MYCT1: variants seen among roughly 807,000 people sequenced by gnomAD.
MYCT1 encodes the protein myc target protein 1.
A neutral mutation model predicts 15.0 loss-of-function variants in MYCT1; 12 were observed. The ratio of observed to expected loss-of-function variants is 0.80; its 90% CI spans 0.51 to 1.29. The LOEUF (loss-of-function observed/expected upper bound fraction) is 1.29. Among genes scored for constraint, MYCT1 ranks in the 50% most tolerant of loss-of-function variants. MYCT1 has a pLI of 0.00. For synonymous variants in MYCT1, 104 were observed against 102.7 expected, an observed-to-expected ratio of 1.01 and a Z score of -0.07; for missense variants, 287 against 279.1, an observed-to-expected ratio of 1.03 and a Z score of -0.20.
chr6:152,700,449 T>G (rs2099721117), intron 1 of MYCT1, among the ~76,000 whole-genome samples: 1 of 152,166 alleles, frequency 6.6e-6, no homozygotes, highest in African/African-American at 2.4e-5. Flanking sequence ...TTTACTTTAA[T>G]GAGCGCTAAA....
chr6:152,714,614 T>C (rs2099723314), intron 1 of MYCT1, among the ~76,000 whole-genome samples: 1 of 151,566 alleles, frequency 6.6e-6, no homozygotes, highest in African/African-American at 2.4e-5. Context: ...CAATCTCTGC[T>C]GAAAATTTTT....
the MYCT1 span, among the ~76,000 whole-genome samples, chr6:152,736,162 G>A: frequency 6.6e-6 from 1 of 152,000 alleles, no homozygotes; most frequent in African/African-American, 2.4e-5. Context: ...AATAGGAACA[G>A]ATATATATTC....
At chr6:152,730,089 T>C in the MYCT1 span, among the ~76,000 whole-genome samples, 2 of 152,256 alleles carry the variant, frequency 1.3e-5, no homozygotes, top group African/African-American at 4.8e-5. Flanking sequence ...TTAAAACTTG[T>C]ATTTTTCTTT....
chr6:152,726,908 ACTAT>A (rs1293826426), downstream of MYCT1, among the ~76,000 whole-genome samples: 1 of 152,096 alleles, frequency 6.6e-6, no homozygotes, highest in Non-Finnish European at 1.5e-5. Context: ...CTGGGTAATA[ACTAT>A]CTAAGTACTT....
At chr6:152,716,790 C>G (rs1274419925) in intron 1 of MYCT1, among the ~76,000 whole-genome samples, 1 of 152,050 alleles carries the variant, frequency 6.6e-6, no homozygotes, top group Non-Finnish European at 1.5e-5. Context: ...GCATAGCTGA[C>G]CAATGTTAGA....
chr6:152,724,266 C>T lies in MYCT1; in HGVS notation c.*2013C>T, dbSNP rs2099725231. 1.4e-5 allele frequency: 2 copies of T among 145,918 alleles called. No individual in the cohort carries two copies. The highest frequency in any genetic ancestry group is 4.3e-4 in the South Asian group (2 of 4,644). 9.0% of individuals were successfully genotyped at this position (145,918 alleles called of 1,614,324 possible). A position where few individuals can be genotyped will look rare whatever the true frequency, so the allele number is the denominator to read the frequency against. The stretch of plus-strand genomic sequence containing the variant: ...TTTTTTTTTTTACTTGCATGTCATC[C>T]TTAATGTCTAACATGAAAAATCAGC... On this transcript the variant is annotated 3_prime_UTR_variant, in exon 2 of 2. Coordinates refer to ENST00000367245, the MANE Select transcript of MYCT1 (RefSeq NM_025107.3).
Position 152,698,094 on chromosome 6 carries a change from T to G in MYCT1, c.192T>G (p.Phe64Leu). Residue 64 changes from phenylalanine (F) to leucine (L), a missense_variant, in exon 1 of 2, where the codon TTT (phenylalanine) becomes TTG (leucine). Coordinates refer to ENST00000367245, the MANE Select transcript of MYCT1 (RefSeq NM_025107.3). Reference sequence around the variant, plus strand: ...TAGGGAGTCCATGGCCAGAAAACTTTTGGGGTAAGGTATTTTCTTTTACTG... The same window carrying G: ...TAGGGAGTCCATGGCCAGAAAACTTGTGGGGTAAGGTATTTTCTTTTACTG... ...TSLGSPWPEN[F>L]WEDLIMSFTV... 6.5e-7 allele frequency: 1 copy of G among 1,548,684 alleles called. No individual in the cohort carries two copies. The highest frequency in any genetic ancestry group is 1.3e-5 in the South Asian group (1 of 79,988).
chr6:152,717,762 C>A (rs575758322), intron 1 of MYCT1, among the ~76,000 whole-genome samples: 10 of 152,214 alleles, frequency 6.6e-5, no homozygotes, highest in South Asian at 4.1e-4. Flanking sequence ...AATGCAATTT[C>A]TAAAGTGTGT....
At chr6:152,730,799 A>C in the MYCT1 span, among the ~76,000 whole-genome samples, 1 of 152,220 alleles carries the variant, frequency 6.6e-6, no homozygotes, top group South Asian at 2.1e-4. Flanking sequence ...CTTGCTGAAA[A>C]GATTTCTAAC....
At chr6:152,703,631 A>G (rs2099721712) in intron 1 of MYCT1, among the ~76,000 whole-genome samples, 1 of 152,206 alleles carries the variant, frequency 6.6e-6, no homozygotes. Flanking sequence ...TCAAGTTTAC[A>G]TACAATGAAA....
intron 1 of MYCT1, among the ~76,000 whole-genome samples, chr6:152,715,609 G>A (rs901935935): frequency 1.3e-4 from 20 of 152,212 alleles, no homozygotes; most frequent in African/African-American, 4.8e-4. Flanking sequence ...CATTAACCAG[G>A]AAGGAAAAAA....
At chr6:152,713,207 T>G (rs1195926462) in intron 1 of MYCT1, among the ~76,000 whole-genome samples, 1 of 152,094 alleles carries the variant, frequency 6.6e-6, no homozygotes, top group Non-Finnish European at 1.5e-5. Context: ...TATAAATTTT[T>G]TAGTTCTCAT....
At chr6:152,731,512 C>T in the MYCT1 span, among the ~76,000 whole-genome samples, 9,696 of 152,034 alleles carry the variant, frequency 0.064, 490 homozygotes, top group East Asian at 0.17. Context: ...TAATGCTATC[C>T]CTTCCCCCTC....
At position 152,698,008 on chromosome 6, in the gene MYCT1, T is replaced by C; in HGVS notation, c.106T>C (p.Ser36Pro). 4 of 1,610,924 alleles carry C rather than the reference T, an allele frequency of 2.5e-6. No individual in the cohort carries two copies. Among genetic ancestry groups the C allele is most frequent in the South Asian group, 1.1e-5 (1 of 90,420 alleles). The change falls in exon 1 of 2, where the codon TCT (serine) becomes CCT (proline). Residue 36 changes from serine (S) to proline (P), a missense_variant. By Grantham distance (74) the Ser-to-Pro change is moderately conservative (BLOSUM62 -1). Transcript: ENST00000367245. The part of the protein sequence containing the change: ...LLFFDILVFL[S>P]VFLLFLLFLV... ...TTTTTTCGACATACTGGTTTTTCTT[T>C]CTGTTTTTCTTCTCTTTCTTCTATT... is the stretch of plus-strand genomic sequence containing the variant.
At chr6:152,702,751 A>C (rs1387191607) in intron 1 of MYCT1, among the ~76,000 whole-genome samples, 1 of 152,190 alleles carries the variant, frequency 6.6e-6, no homozygotes, top group Non-Finnish European at 1.5e-5. Context: ...TCGTTTTTTC[A>C]ATTTGTATTT....
At chr6:152,733,622 T>A in the MYCT1 span, among the ~76,000 whole-genome samples, 1 of 152,180 alleles carries the variant, frequency 6.6e-6, no homozygotes, top group Admixed American at 6.5e-5. Flanking sequence ...GGTCAAATAG[T>A]GACTACTGCT....
chr6:152,733,683 G>C, the MYCT1 span, among the ~76,000 whole-genome samples: 1 of 152,190 alleles, frequency 6.6e-6, no homozygotes, highest in South Asian at 2.1e-4. Context: ...CTTCTCTGAT[G>C]ACTGTTAGGC....
chr6:152,725,410 TA>T (rs1257446656), downstream of MYCT1, among the ~76,000 whole-genome samples: 1 of 152,228 alleles, frequency 6.6e-6, no homozygotes, highest in Non-Finnish European at 1.5e-5. Context: ...CATGTACATT[TA>T]AACAACACTC....
At chr6:152,706,845 A>ATGTGTGTGTGTGTG (rs1019981760) in intron 1 of MYCT1, among the ~76,000 whole-genome samples, 3 of 119,964 alleles carry the variant, frequency 2.5e-5, no homozygotes, top group Admixed American at 8.4e-5. Context: ...TAGAAACCAT[A>ATGTGTGTGTGTGTG]TATGTGTGTG....
Sources: gnomAD v4.1 joint callset for allele counts (sites outside exome capture counted in the v4.1 genomes callset) on GRCh38, gnomAD v4.1.1 for gene constraint, MANE v1.5 for transcripts, NCBI Gene and HGNC (gene_info 2026-07-23, HGNC 2026-07-21) for gene names.